SCML2: variants seen among roughly 807,000 people sequenced by gnomAD.
SCML2 encodes sex comb on midleg-like protein 2.
SCML2 carries 6 observed loss-of-function variants against 48.4 expected under a neutral mutation model. The observed-to-expected ratio is 0.12, with a 90% confidence interval of 0.07 to 0.24. SCML2 has a LOEUF of 0.24. Ranked by LOEUF, SCML2 falls within the 10% of genes least tolerant of loss-of-function variation. The probability of loss-of-function intolerance (pLI) is 1.00; values close to 1 mark genes in which losing one functional copy is unlikely to be tolerated. For synonymous variants in SCML2, 181 were observed against 189.5 expected (o/e 0.95, Z 0.37); for missense variants, 377 against 528.2 (o/e 0.71, Z 2.81).
chrX:18,296,681 C>G (rs1469342587), intron 7 of SCML2, among the ~76,000 whole-genome samples: 1 of 111,125 alleles, frequency 9.0e-6, no homozygotes, highest in Non-Finnish European at 1.9e-5. Context: ...ACACATAGAA[C>G]CTATCGAGAC....
chrX:18,265,618 T>C lies in SCML2; in HGVS notation c.915A>G (p.Thr305=). Residue 305 remains threonine, a synonymous_variant, in exon 8 of 15, where the codon ACA becomes ACG. Transcript: ENST00000251900. ...PKRSSSVKNI[T]PRKKGPNSGK... is the part of the protein sequence containing the mutation. ...CTGAGTTTGGACCTTTTTTCCTTGG[T>C]GTGATATTTTTAACAGAACTGCTCC... is the stretch of plus-strand genomic sequence containing the variant. 3.3e-6 allele frequency: 4 copies of C among 1,210,600 alleles called. No homozygotes were observed. Among genetic ancestry groups the C allele is most frequent in the Non-Finnish European group, 4.5e-6 (4 of 894,931 alleles).
intron 3 of SCML2, among the ~76,000 whole-genome samples, chrX:18,328,071 T>G (rs183127132): frequency 2.7e-3 from 299 of 111,703 alleles, no homozygotes; most frequent in African/African-American, 9.3e-3. Context: ...CCTTGTGATC[T>G]GATTGTTATT....
chrX:18,266,794 C>A (rs191130011), intron 7 of SCML2, among the ~76,000 whole-genome samples: 28 of 111,859 alleles, frequency 2.5e-4, no homozygotes, highest in African/African-American at 8.4e-4. Context: ...ATCTTTCCTA[C>A]GGCCTTTTCA....
At chrX:18,242,909 A>C (rs190795976) in intron 13 of SCML2, among the ~76,000 whole-genome samples, 43 of 112,204 alleles carry the variant, frequency 3.8e-4, no homozygotes, top group African/African-American at 1.3e-3. Flanking sequence ...TACTCGGGTA[A>C]AATTAGGTTA....
chrX:18,327,301 C>T (rs1167324986), intron 3 of SCML2, among the ~76,000 whole-genome samples: 2 of 110,339 alleles, frequency 1.8e-5, no homozygotes, highest in Admixed American at 9.7e-5. Context: ...AAGGTGGAGG[C>T]GAAGGTTGCA....
chrX:18,277,001 T>TAA (rs1174449110), intron 7 of SCML2, among the ~76,000 whole-genome samples: 1 of 108,204 alleles, frequency 9.2e-6, no homozygotes, highest in African/African-American at 3.4e-5. Flanking sequence ...TTTCACCACA[T>TAA]CTAAAAAAAA....
intron 7 of SCML2, among the ~76,000 whole-genome samples, chrX:18,276,498 G>A (rs1013860220): frequency 1.4e-4 from 15 of 110,834 alleles, no homozygotes; most frequent in Non-Finnish European, 2.1e-4. Flanking sequence ...ACATACATAC[G>A]TATACATACA....
chrX:18,254,184 T>C (rs1289502054), intron 11 of SCML2, among the ~76,000 whole-genome samples: 1 of 112,467 alleles, frequency 8.9e-6, no homozygotes, highest in East Asian at 2.8e-4. Flanking sequence ...AAATTACTGC[T>C]AAAATATGCA....
intron 6 of SCML2, among the ~76,000 whole-genome samples, chrX:18,306,560 C>T (rs1375904283): frequency 8.9e-6 from 1 of 111,887 alleles, no homozygotes; most frequent in Non-Finnish European, 1.9e-5. Flanking sequence ...TTAAAAACAG[C>T]TATTCATATT....
At chrX:18,304,868 G>A in intron 7 of SCML2, 104 bp downstream of exon 7, 2 of 929,671 alleles carry the variant, frequency 2.2e-6, no homozygotes, top group Non-Finnish European at 3.0e-6. Context: ...CACCAGTTGG[G>A]GCATGTACCA....
chrX:18,332,748 G>GA (rs1929695872), intron 2 of SCML2, among the ~76,000 whole-genome samples: 1 of 110,965 alleles, frequency 9.0e-6, no homozygotes, highest in Admixed American at 9.7e-5. Context: ...GCCAAGGAGG[G>GA]AGGATCACTT....
intron 7 of SCML2, among the ~76,000 whole-genome samples, chrX:18,288,445 GA>G (rs202000156): frequency 1.0e-3 from 108 of 107,781 alleles, no homozygotes; most frequent in African/African-American, 3.4e-3. Flanking sequence ...TTTTTAAAAA[GA>G]AAAAAAAACA....
intron 7 of SCML2, among the ~76,000 whole-genome samples, chrX:18,273,057 T>G (rs1161111934): frequency 9.0e-6 from 1 of 111,682 alleles, no homozygotes; most frequent in East Asian, 2.8e-4. Context: ...TTCCTGATCT[T>G]ACTTGATTTT....
At chrX:18,338,577 G>A (rs1188731252) in intron 1 of SCML2, among the ~76,000 whole-genome samples, 1 of 110,311 alleles carries the variant, frequency 9.1e-6, no homozygotes, top group Non-Finnish European at 1.9e-5. Flanking sequence ...GGGGAGGAAG[G>A]GGCAAGGAAT....
Position 18,256,928 on chromosome X carries a change from T to C in SCML2, c.1376A>G (p.Asp459Gly), listed in dbSNP as rs1926868147. 1 of 1,206,516 alleles carries C rather than the reference T, an allele frequency of 8.3e-7. No individual in the cohort carries two copies. ...AAAAGGCTGGCTACTCAAAAGGTTA[T>C]CACACTGCAGACTGTGGCAGAAGTT... The part of the protein sequence containing the change: ...LENFCHSLQC[D>G]NLLSSQPFSS... The change falls in exon 11 of 15, where the codon GAT becomes GGT. Residue 459 changes from aspartate (D) to glycine (G), a missense_variant. Asp to Gly is a moderately conservative substitution (Grantham distance 94). Around this residue, in one of 3 missense-constraint regions of SCML2, gnomAD observed 299 missense variants for 425.5 expected, o/e 0.70. Transcript: ENST00000251900.
intron 7 of SCML2, among the ~76,000 whole-genome samples, chrX:18,284,698 A>T (rs1352298298): frequency 1.8e-5 from 2 of 112,404 alleles, no homozygotes; most frequent in Non-Finnish European, 3.8e-5. Flanking sequence ...AACCACAATG[A>T]CATACCATCT....
At chrX:18,252,696 G>A (rs147751318) in intron 11 of SCML2, among the ~76,000 whole-genome samples, 1,705 of 112,486 alleles carry the variant, frequency 0.015, 31 homozygotes, top group African/African-American at 0.051. Context: ...TGAAGATTTC[G>A]TCATATTTTT....
chrX:18,329,834 T>G (rs1347509108), intron 3 of SCML2, among the ~76,000 whole-genome samples: 1 of 112,173 alleles, frequency 8.9e-6, no homozygotes, highest in Non-Finnish European at 1.9e-5. Flanking sequence ...TCCCAGCATT[T>G]TGGGAGGTTG....
chrX:18,347,686 T>C (rs1413321028), intron 1 of SCML2, among the ~76,000 whole-genome samples: 1 of 79,130 alleles, frequency 1.3e-5, no homozygotes, highest in Non-Finnish European at 2.2e-5. Context: ...ATCATGCCAC[T>C]GCACTCCAGC....
Sources: gnomAD v4.1 joint callset for allele counts (sites outside exome capture counted in the v4.1 genomes callset) on GRCh38, gnomAD v4.1.1 for gene constraint, gnomAD v4.1.1 regional missense constraint, MANE v1.5 for transcripts, NCBI Gene and HGNC (gene_info 2026-07-23, HGNC 2026-07-21) for gene names.